The following ANO3 variants were observed in gnomAD, a reference collection of about 807,000 sequenced individuals.
ANO3 encodes anoctamin-3.
Under a neutral mutation model 144.8 loss-of-function variants are expected in ANO3, and 99 were observed. That is an observed-to-expected ratio of 0.68 (90% CI 0.58 to 0.81). ANO3 has a LOEUF of 0.81. Among genes scored for constraint, ANO3 ranks in the 30% least tolerant of loss-of-function variants. The probability of loss-of-function intolerance (pLI) is 0.00; values close to 1 mark genes in which losing one functional copy is unlikely to be tolerated. For missense variants in ANO3, 905 were observed against 1,202.2 expected (o/e 0.75, Z 3.66); for synonymous variants, 414 against 392.6 (o/e 1.05, Z -0.64).
chr11:26,243,858 G>T (rs1337639336), intron 1 of ANO3, among the ~76,000 whole-genome samples: 1 of 152,024 alleles, frequency 6.6e-6, no homozygotes, highest in Non-Finnish European at 1.5e-5. Flanking sequence ...GCGGTGTCAC[G>T]CCTGTAATCC....
At chr11:26,464,939 T>C (rs549106644) in intron 4 of ANO3, among the ~76,000 whole-genome samples, 2 of 151,954 alleles carry the variant, frequency 1.3e-5, no homozygotes, top group African/African-American at 2.4e-5. Context: ...ATTTTGGTAG[T>C]CTACTTTTAA....
At chr11:26,577,904 G>A (rs1396415810) in intron 14 of ANO3, among the ~76,000 whole-genome samples, 1 of 152,152 alleles carries the variant, frequency 6.6e-6, no homozygotes, top group Non-Finnish European at 1.5e-5. Flanking sequence ...AATATGATAG[G>A]ATCAATGAAC....
At chr11:26,404,242 A>G (rs1857220395) in intron 1 of ANO3, among the ~76,000 whole-genome samples, 1 of 151,858 alleles carries the variant, frequency 6.6e-6, no homozygotes, top group African/African-American at 2.4e-5. Context: ...AACTACATTA[A>G]GTAACTCAGT....
intron 14 of ANO3, among the ~76,000 whole-genome samples, chr11:26,580,909 C>A (rs1851112250): frequency 6.6e-6 from 1 of 152,172 alleles, no homozygotes; most frequent in Non-Finnish European, 1.5e-5. Flanking sequence ...CTTTGAACTG[C>A]TGATTGATGG....
Position 26,376,098 on chromosome 11 carries a change from C to T in ANO3, c.46+43777C>T, listed in dbSNP as rs368002999. On this transcript the variant is annotated intron_variant, in intron 1 of 26. Coordinates refer to ENST00000256737, the MANE Select transcript of ANO3 (RefSeq NM_031418.4). ...TTACTTGACACTGGACTTTAAGATA[C>T]GTTCAATTCACATTTCATCTTGAAT... Among the ~76,000 whole-genome samples, 27 of 152,224 alleles carry T rather than the reference C, an allele frequency of 1.8e-4. No homozygotes were observed. The South Asian group carries it at 2.5e-3, about 14-fold the overall frequency.
intron 1 of ANO3, among the ~76,000 whole-genome samples, chr11:26,271,127 A>T (rs1022628246): frequency 6.6e-6 from 1 of 152,242 alleles, no homozygotes; most frequent in Admixed American, 6.5e-5. Flanking sequence ...TTCTGAAAAG[A>T]TAATTCTAAA....
At chr11:26,579,326 G>C (rs1053158171) in intron 14 of ANO3, among the ~76,000 whole-genome samples, 23 of 152,206 alleles carry the variant, frequency 1.5e-4, no homozygotes, top group Non-Finnish European at 3.4e-4. Flanking sequence ...GAAGCAGATA[G>C]AGTGAGGAGA....
At chr11:26,385,893 G>GTTTA (rs1183332896) in intron 1 of ANO3, among the ~76,000 whole-genome samples, 1 of 143,694 alleles carries the variant, frequency 7.0e-6, no homozygotes, top group Non-Finnish European at 1.5e-5. Context: ...CTTTGTGTGT[G>GTTTA]TATATATATT....
At chr11:26,288,836 C>T (rs1471038635) in intron 1 of ANO3, among the ~76,000 whole-genome samples, 3 of 152,042 alleles carry the variant, frequency 2.0e-5, no homozygotes, top group Non-Finnish European at 4.4e-5. Context: ...ATATGCCATA[C>T]CTATTTGCCT....
intron 1 of ANO3, among the ~76,000 whole-genome samples, chr11:26,292,147 A>T (rs11029493): frequency 0.021 from 3,259 of 151,788 alleles, 61 homozygotes; most frequent in East Asian, 0.12. Flanking sequence ...TTCTCACTTC[A>T]TTTCATTCAT....
intron 5 of ANO3, among the ~76,000 whole-genome samples, chr11:26,511,244 G>A (rs1227920311): frequency 6.6e-6 from 1 of 152,108 alleles, no homozygotes. Context: ...ACAGTGAAAA[G>A]GTTAAAGCTA....
chr11:26,381,656 T>G (rs533484406), intron 1 of ANO3, among the ~76,000 whole-genome samples: 2 of 152,202 alleles, frequency 1.3e-5, no homozygotes, highest in Admixed American at 6.5e-5. Context: ...AATGATTTCA[T>G]TGGCTGTCAT....
intron 11 of ANO3, among the ~76,000 whole-genome samples, chr11:26,546,848 C>T (rs1324647196): frequency 6.6e-6 from 1 of 151,944 alleles, no homozygotes; most frequent in Non-Finnish European, 1.5e-5. Context: ...GGAAGAATGA[C>T]TGGTAATTAC....
chr11:26,358,077 A>T (rs1343579800), intron 1 of ANO3, among the ~76,000 whole-genome samples: 1 of 151,656 alleles, frequency 6.6e-6, no homozygotes, highest in Non-Finnish European at 1.5e-5. Context: ...TATAGAAAAT[A>T]TTGAAATCAT....
At chr11:26,273,293 C>T (rs1279707648) in intron 1 of ANO3, among the ~76,000 whole-genome samples, 2 of 150,702 alleles carry the variant, frequency 1.3e-5, no homozygotes, top group East Asian at 1.9e-4. Context: ...AGTTCAGCAC[C>T]GAAGGCATCC....
chr11:26,581,559 C>A (rs533352463), intron 14 of ANO3, among the ~76,000 whole-genome samples: 1 of 151,704 alleles, frequency 6.6e-6, no homozygotes, highest in East Asian at 1.9e-4. Context: ...CATGGTGGCA[C>A]GTGCCTGTAG....
intron 14 of ANO3, among the ~76,000 whole-genome samples, chr11:26,595,642 A>T (rs1851602545): frequency 6.6e-6 from 1 of 151,826 alleles, no homozygotes; most frequent in South Asian, 2.1e-4. Context: ...CCCGGGAGGA[A>T]CCATCTGTCG....
intron 1 of ANO3, among the ~76,000 whole-genome samples, chr11:26,319,938 T>G (rs546322004): frequency 1.3e-5 from 2 of 152,300 alleles, no homozygotes; most frequent in Admixed American, 6.5e-5. Context: ...GACTAAGAAC[T>G]TACCCAGTTG....
At chr11:26,518,855 A>G (rs912576638) in intron 6 of ANO3, among the ~76,000 whole-genome samples, 1 of 152,176 alleles carries the variant, frequency 6.6e-6, no homozygotes, top group East Asian at 1.9e-4. Flanking sequence ...AGGAAATATA[A>G]TAAGAGATGA....
Sources: gnomAD v4.1 joint callset for allele counts (sites outside exome capture counted in the v4.1 genomes callset) on GRCh38, gnomAD v4.1.1 for gene constraint, MANE v1.5 for transcripts, NCBI Gene and HGNC (gene_info 2026-07-23, HGNC 2026-07-21) for gene names.